Variants in ITGA6 observed in about 807,000 individuals in gnomAD.
The protein encoded by ITGA6 is integrin subunit alpha 6, also known as integrin alpha-6.
In ITGA6, 63 loss-of-function variants were observed where a neutral mutation model predicts 133.6. The ratio of observed to expected loss-of-function variants is 0.47; its 90% CI spans 0.38 to 0.58. The LOEUF (loss-of-function observed/expected upper bound fraction) is 0.58, where lower values mean the gene tolerates loss of function less well. ITGA6 is among the 20% of genes least tolerant of loss of function. The probability of loss-of-function intolerance (pLI) is 0.00; values close to 1 mark genes in which losing one functional copy is unlikely to be tolerated. For missense variants in ITGA6, 1,068 were observed against 1,309.4 expected (o/e 0.82, Z 2.85); for synonymous variants, 434 against 482.0 (o/e 0.90, Z 1.30).
intron 1 of ITGA6, among the ~76,000 whole-genome samples, chr2:172,439,193 G>T (rs1386943211): frequency 1.3e-5 from 2 of 151,850 alleles, no homozygotes; most frequent in African/African-American, 2.4e-5. Flanking sequence ...AACGCAGCAG[G>T]AGAGCCAAGG....
chr2:172,504,543 G>T lies in ITGA6; in HGVS notation c.*475G>T, dbSNP rs1687481578. On this transcript the variant is annotated 3_prime_UTR_variant, in exon 26 of 26. Transcript: ENST00000684293. ...GACTTACATCATGTGTTGGGGAAGG[G>T]CCTGCCCAGTTGCACTCAGGTGACA... 14 of 268,354 alleles carry T rather than the reference G, an allele frequency of 5.2e-5. No homozygotes were observed. 16.6% of individuals were successfully genotyped at this position (268,354 alleles called of 1,614,324 possible).
intron 3 of ITGA6, 67 bp downstream of exon 3, chr2:172,467,627 A>G: frequency 9.0e-7 from 1 of 1,106,516 alleles, no homozygotes; most frequent in African/African-American, 1.5e-5. Flanking sequence ...CACCAGGCTT[A>G]CAGCAGGGGA....
At chr2:172,482,470 G>A (rs1434686297) in intron 11 of ITGA6, among the ~76,000 whole-genome samples, 1 of 152,178 alleles carries the variant, frequency 6.6e-6, no homozygotes, top group Admixed American at 6.5e-5. Context: ...GCCGTAATGA[G>A]TGTTCTACTT....
intron 1 of ITGA6, among the ~76,000 whole-genome samples, chr2:172,458,815 C>A (rs1193593301): frequency 6.6e-6 from 1 of 152,090 alleles, no homozygotes; most frequent in Non-Finnish European, 1.5e-5. Flanking sequence ...AGGAAAACTT[C>A]TAGGCAAAAT....
intron 1 of ITGA6, among the ~76,000 whole-genome samples, chr2:172,440,258 A>G (rs1158602479): frequency 6.6e-6 from 1 of 152,208 alleles, no homozygotes; most frequent in Non-Finnish European, 1.5e-5. Context: ...AATCTAATAC[A>G]TAGAAATGGA....
At chr2:172,487,159 C>T in intron 14 of ITGA6, 21 bp downstream of exon 14, 1 of 1,533,456 alleles carries the variant, frequency 6.5e-7, no homozygotes, top group Non-Finnish European at 9.0e-7. Context: ...TTGTGTAGCA[C>T]TAGCAAAAAT....
At position 172,505,394 on chromosome 2, in the gene ITGA6, C is replaced by T. The variant is rs1386276537; in HGVS notation, c.*1326C>T. On this transcript the variant is annotated 3_prime_UTR_variant, in exon 26 of 26. Coordinates refer to ENST00000684293, the MANE Select transcript of ITGA6 (RefSeq NM_000210.4). ...CAGTATAAGACTACTGAATCTGCTA[C>T]CAAAACAGTTAATCAGTGAGTCGAT... The T allele has an allele frequency of 6.6e-6, 1 of 152,130 alleles. No homozygotes were observed. Among genetic ancestry groups the T allele is most frequent in the African/African-American group, 2.4e-5 (1 of 41,434 alleles). The allele number at this position is 152,130 out of a possible 1,614,324, so 9.4% of individuals were successfully genotyped here.
chr2:172,457,505 A>G (rs1247275802), intron 1 of ITGA6, among the ~76,000 whole-genome samples: 1 of 152,336 alleles, frequency 6.6e-6, no homozygotes, highest in African/African-American at 2.4e-5. Flanking sequence ...GATGAAATAC[A>G]AATAAAATTA....
At chr2:172,470,690 T>A (rs1374508341) in intron 4 of ITGA6, among the ~76,000 whole-genome samples, 2 of 152,232 alleles carry the variant, frequency 1.3e-5, no homozygotes, top group Non-Finnish European at 2.9e-5. Context: ...GTAGATTTTG[T>A]TAACTAAGCA....
In ITGA6 at chr2:172,506,157, T is replaced by C. The variant is rs191135480; in HGVS notation, c.*2089T>C. 4.8e-4 allele frequency: 73 copies of C among 152,792 alleles called. No individual in the cohort carries two copies. The highest frequency in any genetic ancestry group is 1.6e-3 in the African/African-American group (68 of 41,592). The allele number at this position is 152,792 out of a possible 1,614,324, so 9.5% of individuals were successfully genotyped here. ...ATGATTAGAAATTACCTGTGGATAT[T>C]TGTATAAAAGTGTGAAATAAATTTT... On this transcript the variant is annotated 3_prime_UTR_variant, in exon 26 of 26. Coordinates refer to ENST00000684293, the MANE Select transcript of ITGA6 (RefSeq NM_000210.4).
At chr2:172,448,614 T>A (rs1684862087) in intron 1 of ITGA6, among the ~76,000 whole-genome samples, 1 of 152,266 alleles carries the variant, frequency 6.6e-6, no homozygotes, top group African/African-American at 2.4e-5. Context: ...GCTATGTTTG[T>A]GATTTCTTAG....
At chr2:172,487,885 C>CTTTT in intron 17 of ITGA6, 76 bp from the exon 18 acceptor site, 1 of 1,491,846 alleles carries the variant, frequency 6.7e-7, no homozygotes, top group Non-Finnish European at 9.4e-7. Flanking sequence ...CCTGATCTAC[C>CTTTT]TCATAAAAGA....
intron 1 of ITGA6, among the ~76,000 whole-genome samples, chr2:172,437,047 G>A (rs1380126574): frequency 6.6e-6 from 1 of 152,214 alleles, no homozygotes; most frequent in Non-Finnish European, 1.5e-5. Flanking sequence ...TCCTGGCAGA[G>A]AGAATGGCAA....
At chr2:172,445,091 A>G (rs111728262) in intron 1 of ITGA6, among the ~76,000 whole-genome samples, 34,045 of 151,088 alleles carry the variant, frequency 0.23, 5,435 homozygotes, top group East Asian at 0.82. Flanking sequence ...TCAGCCTCCC[A>G]AGTAGCTGGG....
At chr2:172,459,949 G>C (rs1685363783) in intron 1 of ITGA6, among the ~76,000 whole-genome samples, 1 of 152,180 alleles carries the variant, frequency 6.6e-6, no homozygotes, top group African/African-American at 2.4e-5. Flanking sequence ...AGAGAAGATT[G>C]AGGCTTGGAT....
chr2:172,469,220 C>A lies in ITGA6; in HGVS notation c.483C>A (p.Leu161=). 1 of 1,614,124 alleles carries A rather than the reference C, an allele frequency of 6.2e-7. No homozygotes were observed. The highest frequency in any genetic ancestry group is 8.5e-7 in the Non-Finnish European group (1 of 1,180,016). ...GGTGTTATGTCCTGAGTCAGAATCT[C>A]AGGATTGAAGACGATATGGATGGGG... ...FGRCYVLSQN[L]RIEDDMDGGD... The change falls in exon 4 of 26, where the codon CTC becomes CTA. Residue 161 remains leucine, a synonymous_variant. Coordinates refer to ENST00000684293, the MANE Select transcript of ITGA6 (RefSeq NM_000210.4).
chr2:172,489,833 T>C (rs1394372256), intron 20 of ITGA6, 175 bp downstream of exon 20: 5 of 627,654 alleles, frequency 8.0e-6, no homozygotes, highest in Non-Finnish European at 1.1e-5. Context: ...TGAGGCATTT[T>C]TGCTGGTTAA....
At chr2:172,456,188 A>AC (rs1685199973) in intron 1 of ITGA6, among the ~76,000 whole-genome samples, 1 of 152,182 alleles carries the variant, frequency 6.6e-6, no homozygotes, top group Non-Finnish European at 1.5e-5. Context: ...GTCAGTGGAT[A>AC]CCTGGAGGGT....
chr2:172,466,310 C>T (rs1390965170), intron 2 of ITGA6, among the ~76,000 whole-genome samples: 1 of 152,174 alleles, frequency 6.6e-6, no homozygotes. Flanking sequence ...TCTCTTGCTT[C>T]TTCATCTTTT....
Sources: allele counts gnomAD v4.1 joint callset (sites outside exome capture counted in the v4.1 genomes callset), GRCh38; gene constraint gnomAD v4.1.1; transcripts MANE v1.5; gene names NCBI Gene and HGNC (gene_info 2026-07-23, HGNC 2026-07-21).